C10orf90: variants seen among roughly 807,000 people sequenced by gnomAD.
C10orf90 encodes chromosome 10 open reading frame 90.
In C10orf90, 56 loss-of-function variants were observed where a neutral mutation model predicts 62.5. The observed-to-expected ratio is 0.90, with a 90% CI of 0.72 to 1.12. The LOEUF is 1.12. C10orf90 is among the 50% of genes most tolerant of loss of function. The pLI is 0.00. For synonymous variants in C10orf90, 386 were observed against 340.4 expected (o/e 1.13, Z -1.47); for missense variants, 970 against 880.4 (o/e 1.10, Z -1.29).
At chr10:126,463,936 T>C (rs533737250) in intron 5 of C10orf90, among the ~76,000 whole-genome samples, 51 of 52,396 alleles carry the variant, frequency 9.7e-4, no homozygotes, top group Admixed American at 2.7e-3. Context: ...GGGATTAACT[T>C]GTTACTTTTA....
At chr10:126,466,205 T>C (rs1026984968) in intron 4 of C10orf90, among the ~76,000 whole-genome samples, 1 of 152,080 alleles carries the variant, frequency 6.6e-6, no homozygotes, top group African/African-American at 2.4e-5. Context: ...CCTTCCTGTG[T>C]GTTGGGACAG....
At chr10:126,574,830 T>C (rs1844577451) in intron 2 of C10orf90, among the ~76,000 whole-genome samples, 2 of 152,296 alleles carry the variant, frequency 1.3e-5, no homozygotes, top group South Asian at 4.1e-4. Context: ...GCCATACCAC[T>C]CTGAATGTGC....
intron 1 of C10orf90, among the ~76,000 whole-genome samples, chr10:126,655,794 G>GTTTTTCTTTT (rs1846381485): frequency 6.9e-6 from 1 of 145,874 alleles, no homozygotes; most frequent in Non-Finnish European, 1.5e-5. Flanking sequence ...TAACTCAGTT[G>GTTTTTCTTTT]TTGTTTTTCT....
intron 6 of C10orf90, among the ~76,000 whole-genome samples, chr10:126,459,847 A>AC (rs1454191424): frequency 1.3e-5 from 2 of 152,134 alleles, no homozygotes; most frequent in Admixed American, 1.3e-4. Context: ...GCACTAAGCC[A>AC]CCCACACAAG....
intron 2 of C10orf90, among the ~76,000 whole-genome samples, chr10:126,633,847 ATATCATGTGCTGC>A (rs1444701274): frequency 6.6e-6 from 1 of 152,218 alleles, no homozygotes; most frequent in East Asian, 1.9e-4. Context: ...GGAGAGGTTG[ATATCATGTGCTGC>A]TAATTTAAAA....
At chr10:126,428,732 A>C (rs1857400669) in intron 8 of C10orf90, among the ~76,000 whole-genome samples, 1 of 152,200 alleles carries the variant, frequency 6.6e-6, no homozygotes, top group Non-Finnish European at 1.5e-5. Context: ...GATTTGGCTG[A>C]AATTTTTCAG....
At chr10:126,619,733 A>C (rs1176838655) in intron 2 of C10orf90, among the ~76,000 whole-genome samples, 1 of 152,092 alleles carries the variant, frequency 6.6e-6, no homozygotes, top group Non-Finnish European at 1.5e-5. Context: ...TCAGCCTCCC[A>C]GGCTCAAGTG....
At chr10:126,648,119 G>A (rs1172637129) in intron 1 of C10orf90, among the ~76,000 whole-genome samples, 1 of 152,024 alleles carries the variant, frequency 6.6e-6, no homozygotes, top group Non-Finnish European at 1.5e-5. Flanking sequence ...TTTTAAAAGG[G>A]CTTATAGGAG....
At position 126,658,756 on chromosome 10, in the gene C10orf90, G is replaced by GGATT. The variant is rs201914038; in HGVS notation, c.240+11481_240+11484dup. Reference sequence around the variant, plus strand: ...GCTGACAATTTTCCTTGATTTTCATGGATTGATTGATTGATTGATTGATTG... The same window carrying GGATT: ...GCTGACAATTTTCCTTGATTTTCATGGATTGATTGATTGATTGATTGATTGATTG... On this transcript the variant is annotated intron_variant, in intron 1 of 9. Coordinates refer to ENST00000488181, the MANE Select transcript of C10orf90 (RefSeq NM_001350921.2). Among the ~76,000 whole-genome samples, 1,478 of 152,122 alleles carry GGATT rather than the reference G, an allele frequency of 9.7e-3. 20 individuals are homozygous for GGATT. Among genetic ancestry groups the GGATT allele is most frequent in the African/African-American group, 0.031 (1,306 of 41,476 alleles).
chr10:126,545,600 G>A (rs888852923), intron 2 of C10orf90, among the ~76,000 whole-genome samples: 1 of 148,114 alleles, frequency 6.8e-6, no homozygotes, highest in Non-Finnish European at 1.5e-5. Flanking sequence ...ATGTTTAAAT[G>A]GGACTCTCTC....
intron 2 of C10orf90, among the ~76,000 whole-genome samples, chr10:126,547,424 A>T (rs10901630): frequency 0.55 from 80,323 of 145,524 alleles, 22,609 homozygotes; most frequent in Middle Eastern, 0.68. Flanking sequence ...CAAAAAAAAA[A>T]AAAATAAAAT....
At chr10:126,477,098 T>C (rs1311574523) in intron 4 of C10orf90, among the ~76,000 whole-genome samples, 18 of 110,030 alleles carry the variant, frequency 1.6e-4, no homozygotes, top group African/African-American at 5.9e-4. Context: ...TTTTTTTTTT[T>C]TTTTTTTTTT....
intron 2 of C10orf90, among the ~76,000 whole-genome samples, chr10:126,565,250 T>TA (rs1844336160): frequency 6.2e-4 from 14 of 22,754 alleles, no homozygotes; most frequent in Non-Finnish European, 8.7e-4. Context: ...ATAATATTTA[T>TA]TATATTATAT....
At chr10:126,560,253 A>T (rs1288549915) in intron 2 of C10orf90, among the ~76,000 whole-genome samples, 1 of 152,200 alleles carries the variant, frequency 6.6e-6, no homozygotes, top group East Asian at 1.9e-4. Context: ...ATGAAAACAC[A>T]CCAGTGATCC....
chr10:126,457,744 A>G (rs937471071), intron 7 of C10orf90, among the ~76,000 whole-genome samples: 8 of 152,270 alleles, frequency 5.3e-5, no homozygotes, highest in Non-Finnish European at 1.0e-4. Context: ...TGAAGGCCCC[A>G]GGGGTCTCCT....
At chr10:126,611,677 A>C (rs1845438070) in intron 2 of C10orf90, among the ~76,000 whole-genome samples, 1 of 152,118 alleles carries the variant, frequency 6.6e-6, no homozygotes, top group African/African-American at 2.4e-5. Flanking sequence ...TTGGTTCCAC[A>C]CTCATTCTTA....
At position 126,649,078 on chromosome 10, in the gene C10orf90, C is replaced by A. The variant is rs868610596; in HGVS notation, c.241-2441G>T. Reference sequence around the variant, plus strand: ...TCTCTCTCTCTCTCTCTCTCCCCCCCCCCCAGCAATTCACAATGGATGGCA... The same window carrying A: ...TCTCTCTCTCTCTCTCTCTCCCCCCACCCCAGCAATTCACAATGGATGGCA... On this transcript the variant is annotated intron_variant, in intron 1 of 9. Coordinates refer to ENST00000488181, the MANE Select transcript of C10orf90 (RefSeq NM_001350921.2). 2.9e-4 allele frequency among the ~76,000 whole-genome samples: 31 copies of A among 106,096 alleles called. 1 individual carries two copies. In the South Asian group the frequency reaches 3.7e-3, roughly 13 times the overall value. 69.6% of individuals were successfully genotyped at this position (106,096 alleles called of 152,430 possible).
intron 4 of C10orf90, among the ~76,000 whole-genome samples, chr10:126,469,480 C>T (rs971380659): frequency 6.6e-6 from 1 of 152,156 alleles, no homozygotes; most frequent in East Asian, 1.9e-4. Flanking sequence ...ATGTTCTGGG[C>T]GGTGACGTTT....
chr10:126,551,891 G>A (rs979089658), intron 2 of C10orf90, among the ~76,000 whole-genome samples: 17 of 152,204 alleles, frequency 1.1e-4, no homozygotes, highest in Admixed American at 6.5e-4. Context: ...GCCTACAACT[G>A]AATTCATTTG....
Sources: gnomAD v4.1 joint callset for allele counts (sites outside exome capture counted in the v4.1 genomes callset) on GRCh38, gnomAD v4.1.1 for gene constraint, MANE v1.5 for transcripts, NCBI Gene and HGNC (gene_info 2026-07-23, HGNC 2026-07-21) for gene names.